LMF1: variants seen among roughly 807,000 people sequenced by gnomAD.
The protein encoded by LMF1 is lipase maturation factor 1.
LMF1 carries 68 observed loss-of-function variants against 60.6 expected under a neutral mutation model. That is an observed-to-expected ratio of 1.12 (90% confidence interval 0.92 to 1.37). The LOEUF (loss-of-function observed/expected upper bound fraction) is 1.37, where lower values mean the gene tolerates loss of function less well. Among genes scored for constraint, LMF1 ranks in the 40% most tolerant of loss-of-function variants. LMF1 has a pLI of 0.00. For synonymous variants in LMF1, 418 were observed against 324.7 expected, an observed-to-expected ratio of 1.29 and a Z score of -3.09; for missense variants, 948 against 767.2, an observed-to-expected ratio of 1.24 and a Z score of -2.78.
intron 2 of LMF1, among the ~76,000 whole-genome samples, chr16:949,128 A>C: frequency 6.7e-6 from 1 of 150,190 alleles, no homozygotes; most frequent in South Asian, 2.1e-4. Flanking sequence ...GAGTCAGCCA[A>C]CGACAGAGTT....
chr16:863,508 G>A (rs945957976), intron 10 of LMF1, among the ~76,000 whole-genome samples: 6 of 152,166 alleles, frequency 3.9e-5, no homozygotes, highest in African/African-American at 1.4e-4. Context: ...GAGGGTTGCT[G>A]ATTTTATTGG....
In LMF1 at chr16:854,717, G is replaced by A. The variant is rs2069141800; in HGVS notation, c.1530-11C>T. 2 of 1,575,266 alleles carry A rather than the reference G, an allele frequency of 1.3e-6. No homozygotes were observed. Among genetic ancestry groups the A allele is most frequent in the Non-Finnish European group, 8.6e-7 (1 of 1,167,166 alleles). ...TCTCCTCGGACCCACCTGCAAGGGGGCACATGTCAGCCCAGGGCCTGCTGG... is the reference window on the plus strand; with the variant it reads ...TCTCCTCGGACCCACCTGCAAGGGGACACATGTCAGCCCAGGGCCTGCTGG... On this transcript the variant is annotated splice_polypyrimidine_tract_variant and intron_variant, in intron 10 of 10. Coordinates refer to ENST00000262301, the MANE Select transcript of LMF1 (RefSeq NM_022773.4).
In LMF1 at chr16:878,820, C is replaced by T. The variant is rs1173819214; in HGVS notation, c.897+750G>A. The stretch of plus-strand genomic sequence containing the variant: ...CATCTGTTTTCCAGAGCACGTGGAA[C>T]GCCACCTGGACCTGTGCATTTTCCT... On this transcript the variant is annotated intron_variant, in intron 6 of 10. Transcript: ENST00000262301. The surrounding 1 kb of genome is among the most constrained non-coding windows in gnomAD (Gnocchi z 5.2). Among the ~76,000 whole-genome samples, 1 of 152,146 alleles carries T rather than the reference C, an allele frequency of 6.6e-6. No homozygotes were observed. The highest frequency in any genetic ancestry group is 1.5e-5 in the Non-Finnish European group (1 of 68,018).
intron 1 of LMF1, among the ~76,000 whole-genome samples, chr16:960,594 CAG>C: frequency 1.2e-5 from 1 of 86,030 alleles, no homozygotes; most frequent in Non-Finnish European, 2.5e-5. Context: ...GACCCAGACA[CAG>C]ACTCACGGTG....
At position 910,999 on chromosome 16, in the gene LMF1, G is replaced by A. The variant is rs775000455; in HGVS notation, c.595C>T (p.His199Tyr). 6.7e-5 allele frequency: 108 copies of A among 1,613,006 alleles called. No individual in the cohort carries two copies. The highest frequency in any genetic ancestry group is 9.1e-5 in the Non-Finnish European group (107 of 1,179,886). ...AGGACAATCCGGGATGTGGGGGTAT[G>A]CTGGGGCAGCCTTGACAGCGTCCAC... Reference protein sequence around the residue: ...PLWTLSRLPQHTPTSRIVLWG... With the variant: ...PLWTLSRLPQYTPTSRIVLWG... Residue 199 changes from histidine to tyrosine, a missense_variant, in exon 4 of 11, where the codon CAT becomes TAT. Coordinates refer to ENST00000262301, the MANE Select transcript of LMF1 (RefSeq NM_022773.4).
intron 2 of LMF1, among the ~76,000 whole-genome samples, chr16:937,192 A>G (rs546596057): frequency 1.3e-5 from 2 of 152,230 alleles, no homozygotes; most frequent in African/African-American, 2.4e-5. Flanking sequence ...TTTAAATAGC[A>G]GGTTTTAGCT....
Position 954,682 on chromosome 16 carries a change from G to C in LMF1, c.194-16C>G, listed in dbSNP as rs769817506. ...AATGCCACGACTGGAAGAAAAAGAA[G>C]ACAAAACAAGCATGACTAGGAACAA... On this transcript the variant is annotated splice_polypyrimidine_tract_variant and intron_variant, in intron 1 of 10. Transcript: ENST00000262301. 1.3e-6 allele frequency: 2 copies of C among 1,573,530 alleles called. No individual in the cohort carries two copies. The highest frequency in any genetic ancestry group is 2.4e-5 in the South Asian group (2 of 84,602).
At chr16:885,871 A>C (rs1039343027) in intron 5 of LMF1, among the ~76,000 whole-genome samples, 1 of 152,216 alleles carries the variant, frequency 6.6e-6, no homozygotes, top group African/African-American at 2.4e-5. Flanking sequence ...GGCCAATTTG[A>C]TCTAATGAAT....
At chr16:920,253 G>A (rs950548165) in intron 3 of LMF1, among the ~76,000 whole-genome samples, 1 of 152,196 alleles carries the variant, frequency 6.6e-6, no homozygotes, top group African/African-American at 2.4e-5. Flanking sequence ...CAGCCCGTCA[G>A]CCCCCACAGC....
rs34477053 is a variant in LMF1 at position 962,458 on chromosome 16, C to G, written c.194-7792G>C. Among the ~76,000 whole-genome samples, 30,901 of 151,958 alleles carry G rather than the reference C, an allele frequency of 0.2. 3,550 individuals are homozygous for G. Among genetic ancestry groups the G allele is most frequent in the South Asian group, 0.31 (1,493 of 4,820 alleles). On this transcript the variant is annotated intron_variant, in intron 1 of 10. Coordinates refer to ENST00000262301, the MANE Select transcript of LMF1 (RefSeq NM_022773.4). The surrounding 1 kb of genome is among the most constrained non-coding windows in gnomAD (Gnocchi z 4.5). ...GACAGAGCGGGCGGGAAAGCAGGGA[C>G]CTGTCAGAGGGCACACCTGGCAGGC...
Position 869,885 on chromosome 16 carries a change from G to A in LMF1, c.1414C>T (p.Gln472Ter), listed in dbSNP as rs769864558. The A allele has an allele frequency of 2.5e-6, 4 of 1,611,208 alleles. No individual in the cohort carries two copies. Among genetic ancestry groups the A allele is most frequent in the African/African-American group, 2.7e-5 (2 of 74,928 alleles). Residue 472 changes from glutamine to a stop codon, truncating the protein, a stop_gained and splice_region_variant, in exon 9 of 11, where the codon CAG (glutamine) becomes TAG (stop). Coordinates refer to ENST00000262301, the MANE Select transcript of LMF1 (RefSeq NM_022773.4). LOFTEE classifies it high-confidence loss of function. The stretch of plus-strand genomic sequence containing the variant: ...GCCCGCCAGGGACCGTCCCCCACCT[G>A]GAAGGCCGCGAACCACATCAGCCAG... ...LDWLMWFAAF[Q>*]TYEHNDWIIH...
At chr16:935,430 T>C (rs1467732545) in intron 2 of LMF1, among the ~76,000 whole-genome samples, 1 of 152,088 alleles carries the variant, frequency 6.6e-6, no homozygotes, top group Non-Finnish European at 1.5e-5. Context: ...TCAGAGTCCA[T>C]GAATATGTAC....
At chr16:963,983 C>T (rs2072870139) in intron 1 of LMF1, 2 of 453,900 alleles carry the variant, frequency 4.4e-6, no homozygotes, top group Non-Finnish European at 8.9e-6. Flanking sequence ...CCCGTCACTA[C>T]CCCACACGGG....
intron 6 of LMF1, 47 bp downstream of exon 6, chr16:879,523 G>A (rs762635855): frequency 2.5e-6 from 4 of 1,597,816 alleles, no homozygotes; most frequent in East Asian, 4.5e-5. Context: ...AGGGCGACGG[G>A]CCAGCGTCTC....
At chr16:947,638 G>T in intron 2 of LMF1, 2 of 455,592 alleles carry the variant, frequency 4.4e-6, no homozygotes, top group South Asian at 3.1e-5. Flanking sequence ...TTCTGGAGAG[G>T]ATCTTTCCTT....
chr16:864,660 ATCTT>A (rs1248808707), intron 10 of LMF1, among the ~76,000 whole-genome samples: 2 of 144,124 alleles, frequency 1.4e-5, no homozygotes, highest in South Asian at 2.1e-4. Context: ...TTAAGTTACT[ATCTT>A]TTTTTTTTTT....
At position 938,036 on chromosome 16, in the gene LMF1, C is replaced by CAAA. The variant is rs5815060; in HGVS notation, c.504-3785_504-3783dup. ...ACGTGGATTTATTTACAGAAGTTAC[C>CAAA]AAAAAAAAAATACCACAAAAAAAGA... is the stretch of plus-strand genomic sequence containing the variant. On this transcript the variant is annotated intron_variant, in intron 2 of 10. Coordinates refer to ENST00000262301, the MANE Select transcript of LMF1 (RefSeq NM_022773.4). Among the ~76,000 whole-genome samples the CAAA allele has an allele frequency of 8.2e-4, 119 of 145,792 alleles. 2 individuals carry two copies. The Middle Eastern group carries it at 0.017, about 21-fold the overall frequency.
intron 4 of LMF1, 53 bp downstream of exon 4, chr16:910,878 G>C: frequency 3.7e-6 from 6 of 1,605,742 alleles, no homozygotes; most frequent in Non-Finnish European, 5.1e-6. Flanking sequence ...AGCCTCACAG[G>C]TTAGAAGAGC....
At chr16:917,213 A>C (rs904586463) in intron 3 of LMF1, among the ~76,000 whole-genome samples, 1 of 152,228 alleles carries the variant, frequency 6.6e-6, no homozygotes, top group African/African-American at 2.4e-5. Context: ...CCCCAAGCAC[A>C]TGGGCAACAC....
Sources: gnomAD v4.1 joint callset for allele counts (sites outside exome capture counted in the v4.1 genomes callset) on GRCh38, gnomAD v4.1.1 for gene constraint, Gnocchi (gnomAD v3.1) non-coding constraint, MANE v1.5 for transcripts, NCBI Gene and HGNC (gene_info 2026-07-23, HGNC 2026-07-21) for gene names.